BRD10: variants seen among roughly 807,000 people sequenced by gnomAD.
BRD10 encodes the protein bromodomain containing 10.
the BRD10 span, among the ~76,000 whole-genome samples, chr9:6,000,023 T>TTTTTATTG: frequency 6.6e-6 from 1 of 152,274 alleles, no homozygotes; most frequent in South Asian, 2.1e-4. Flanking sequence ...TTCAATAAAA[T>TTTTTATTG]ACATTTTTAA....
the BRD10 span, among the ~76,000 whole-genome samples, chr9:5,883,867 C>A: frequency 6.6e-6 from 1 of 152,120 alleles, no homozygotes; most frequent in African/African-American, 2.4e-5. Context: ...AGCCAGAGTT[C>A]CTGTTGCTCA....
the BRD10 span, chr9:5,968,887 T>G: frequency 2.5e-5 from 41 of 1,612,864 alleles, no homozygotes; most frequent in South Asian, 4.3e-4. Flanking sequence ...GCTGTCCAAG[T>G]ACAGCATCTT....
At chr9:5,907,709 T>TA in the BRD10 span, among the ~76,000 whole-genome samples, 7 of 152,346 alleles carry the variant, frequency 4.6e-5, no homozygotes, top group African/African-American at 1.7e-4. Flanking sequence ...TCCCAGCACT[T>TA]CGGGAGGCCG....
chr9:5,998,008 T>C, the BRD10 span, among the ~76,000 whole-genome samples: 1 of 152,208 alleles, frequency 6.6e-6, no homozygotes, highest in Non-Finnish European at 1.5e-5. Flanking sequence ...AGATTTAAAA[T>C]ATACTTTAGA....
At chr9:5,938,656 G>A in the BRD10 span, among the ~76,000 whole-genome samples, 2 of 151,972 alleles carry the variant, frequency 1.3e-5, no homozygotes, top group East Asian at 1.9e-4. Context: ...AACTAAGCAG[G>A]TAAAAAGCAC....
At chr9:6,000,018 T>TAAAATACATTTAATATAA in the BRD10 span, among the ~76,000 whole-genome samples, 1 of 152,168 alleles carries the variant, frequency 6.6e-6, no homozygotes, top group African/African-American at 2.4e-5. Flanking sequence ...TTCCTTTCAA[T>TAAAATACATTTAATATAA]AAAATACATT....
chr9:5,942,575 C>T, the BRD10 span, among the ~76,000 whole-genome samples: 2,038 of 152,186 alleles, frequency 0.013, 16 homozygotes, highest in Non-Finnish European at 0.021. Flanking sequence ...TGCTATGTGG[C>T]TGTTTCATTG....
the BRD10 span, among the ~76,000 whole-genome samples, chr9:5,944,434 T>C: frequency 2.6e-5 from 4 of 152,092 alleles, no homozygotes; most frequent in Admixed American, 2.6e-4. Context: ...GTCATATTGT[T>C]AAGTATGTGT....
At chr9:5,927,318 T>C in the BRD10 span, among the ~76,000 whole-genome samples, 1 of 152,196 alleles carries the variant, frequency 6.6e-6, no homozygotes, top group Non-Finnish European at 1.5e-5. Context: ...TCCTCTTACC[T>C]AATCAAGGAT....
the BRD10 span, among the ~76,000 whole-genome samples, chr9:5,952,089 T>C: frequency 6.6e-6 from 1 of 152,076 alleles, no homozygotes; most frequent in East Asian, 1.9e-4. Context: ...GGCGTGATGT[T>C]GGCTCACTGC....
chr9:5,893,165 A>G, the BRD10 span, among the ~76,000 whole-genome samples: 1 of 152,230 alleles, frequency 6.6e-6, no homozygotes, highest in Non-Finnish European at 1.5e-5. Context: ...AAAACTCACA[A>G]CTTAGTGGGA....
At chr9:5,968,675 G>A in the BRD10 span, 12 of 1,613,622 alleles carry the variant, frequency 7.4e-6, no homozygotes, top group Admixed American at 6.7e-5. Context: ...TCCATTACTT[G>A]TACTAACATA....
At chr9:6,007,084 T>C in the BRD10 span, 4 of 1,100,086 alleles carry the variant, frequency 3.6e-6, no homozygotes, top group East Asian at 4.8e-5. Flanking sequence ...CAGCACCGAC[T>C]CAGCACCTAT....
At chr9:6,007,494 G>C in the BRD10 span, 8 of 1,612,298 alleles carry the variant, frequency 5.0e-6, no homozygotes, top group Non-Finnish European at 5.9e-6. Flanking sequence ...GAAAGGGGGC[G>C]GTGAGGCCCC....
chr9:5,959,150 C>A, the BRD10 span, among the ~76,000 whole-genome samples: 2 of 152,132 alleles, frequency 1.3e-5, no homozygotes, highest in Non-Finnish European at 2.9e-5. Flanking sequence ...GCATCTCTCT[C>A]AAAATAGAAT....
the BRD10 span, among the ~76,000 whole-genome samples, chr9:5,940,789 T>C: frequency 6.6e-6 from 1 of 152,138 alleles, no homozygotes; most frequent in Non-Finnish European, 1.5e-5. Flanking sequence ...TAGCTTTCCT[T>C]ACATATTGAT....
At chr9:5,968,554 G>C in the BRD10 span, 1 of 1,613,822 alleles carries the variant, frequency 6.2e-7, no homozygotes, top group Non-Finnish European at 8.5e-7. Context: ...TTTCAACAGA[G>C]ATGTCATGAT....
At chr9:5,927,988 A>C in the BRD10 span, among the ~76,000 whole-genome samples, 1 of 152,206 alleles carries the variant, frequency 6.6e-6, no homozygotes, top group Non-Finnish European at 1.5e-5. Flanking sequence ...AACACCAATT[A>C]TATGTCTAAA....
At chr9:5,929,170 T>C in the BRD10 span, 37 of 1,295,504 alleles carry the variant, frequency 2.9e-5, no homozygotes, top group Admixed American at 2.4e-4. Context: ...CTAAAAATAA[T>C]GTTTAAAGTA....
Sources: allele counts gnomAD v4.1 joint callset (sites outside exome capture counted in the v4.1 genomes callset), GRCh38; gene constraint gnomAD v4.1.1; transcripts MANE v1.5; gene names NCBI Gene and HGNC (gene_info 2026-07-23, HGNC 2026-07-21).